RSPO2: variants seen among roughly 807,000 people sequenced by gnomAD.
The protein encoded by RSPO2 is R-spondin-2.
In RSPO2, 14 loss-of-function variants were observed where a neutral mutation model predicts 30.9. The observed-to-expected ratio is 0.45, with a 90% CI of 0.30 to 0.71. The LOEUF (loss-of-function observed/expected upper bound fraction) is 0.71. Ranked by LOEUF, RSPO2 falls within the 30% of genes least tolerant of loss-of-function variation. The pLI is 0.08. For missense variants in RSPO2, 264 were observed against 301.9 expected (o/e 0.87, Z 0.93); for synonymous variants, 107 against 96.4 (o/e 1.11, Z -0.64).
intron 2 of RSPO2, among the ~76,000 whole-genome samples, chr8:108,052,097 C>G (rs960392989): frequency 3.3e-5 from 5 of 152,276 alleles, no homozygotes; most frequent in African/African-American, 1.2e-4. Flanking sequence ...TGAAACAAAC[C>G]TACTTATATC....
rs920801653 is a variant in RSPO2 at position 108,082,668 on chromosome 8, C to T, written c.-30G>A. On this transcript the variant is annotated 5_prime_UTR_variant, in exon 2 of 6. Coordinates refer to ENST00000276659, the MANE Select transcript of RSPO2 (RefSeq NM_178565.5). ...GCGGTCGGGCGGGGGAGAGACGCCT[C>T]TCAAAGTCTAGGAACTGGAGGGTTC... 1 of 1,582,286 alleles carries T rather than the reference C, an allele frequency of 6.3e-7. No homozygotes were observed. The highest frequency in any genetic ancestry group is 1.3e-5 in the African/African-American group (1 of 74,306).
chr8:108,024,429 G>A (rs1811141786), intron 2 of RSPO2, among the ~76,000 whole-genome samples: 1 of 150,346 alleles, frequency 6.7e-6, no homozygotes, highest in Non-Finnish European at 1.5e-5. Flanking sequence ...AACATATACT[G>A]TTAAGTAAAA....
intron 5 of RSPO2, among the ~76,000 whole-genome samples, chr8:107,943,083 A>G (rs528446807): frequency 2.0e-5 from 3 of 152,368 alleles, no homozygotes; most frequent in Non-Finnish European, 4.4e-5. Flanking sequence ...GAAATAAACA[A>G]AAGTGGAGAG....
intron 3 of RSPO2, among the ~76,000 whole-genome samples, chr8:107,978,349 C>T (rs973462691): frequency 1.3e-5 from 2 of 152,052 alleles, no homozygotes; most frequent in Admixed American, 6.6e-5. Context: ...ATTGATTGAA[C>T]CCAGGAGGCA....
At chr8:107,904,278 G>T (rs1410699020) in intron 5 of RSPO2, among the ~76,000 whole-genome samples, 1 of 150,950 alleles carries the variant, frequency 6.6e-6, no homozygotes, top group African/African-American at 2.4e-5. Context: ...GTCACCCAAC[G>T]CATAATTCAA....
At chr8:107,939,111 A>G (rs1163947497) in intron 5 of RSPO2, among the ~76,000 whole-genome samples, 1 of 152,164 alleles carries the variant, frequency 6.6e-6, no homozygotes, top group Non-Finnish European at 1.5e-5. Flanking sequence ...ATGAGCAAAA[A>G]TAAGATAATT....
intron 2 of RSPO2, among the ~76,000 whole-genome samples, chr8:108,020,194 C>G (rs768555010): frequency 1.3e-5 from 2 of 152,112 alleles, no homozygotes; most frequent in Non-Finnish European, 2.9e-5. Flanking sequence ...AGTCTCACCC[C>G]CTCACCACAG....
At chr8:108,001,153 C>T (rs1815234464) in intron 2 of RSPO2, among the ~76,000 whole-genome samples, 1 of 152,132 alleles carries the variant, frequency 6.6e-6, no homozygotes, top group Non-Finnish European at 1.5e-5. Flanking sequence ...GATCGCGCCC[C>T]TGCACTCCAG....
At chr8:107,973,136 G>A (rs1563545323) in intron 3 of RSPO2, among the ~76,000 whole-genome samples, 1 of 152,030 alleles carries the variant, frequency 6.6e-6, no homozygotes, top group African/African-American at 2.4e-5. Context: ...TGGGCATGGT[G>A]GCAGGCACCT....
At chr8:108,012,822 A>G (rs1228382840) in intron 2 of RSPO2, among the ~76,000 whole-genome samples, 1 of 152,246 alleles carries the variant, frequency 6.6e-6, no homozygotes, top group African/African-American at 2.4e-5. Flanking sequence ...GAGAATTAAC[A>G]AAGATTAGAA....
At chr8:108,059,644 C>T (rs1240025333) in intron 2 of RSPO2, among the ~76,000 whole-genome samples, 47 of 147,338 alleles carry the variant, frequency 3.2e-4, no homozygotes, top group Non-Finnish European at 5.1e-4. Flanking sequence ...AAATGTGGCA[C>T]ATATACACCA....
At chr8:107,967,820 T>C (rs1813858834) in intron 3 of RSPO2, among the ~76,000 whole-genome samples, 1 of 152,142 alleles carries the variant, frequency 6.6e-6, no homozygotes, top group African/African-American at 2.4e-5. Flanking sequence ...ACTCAAATAG[T>C]ACAGTGGTTA....
intron 2 of RSPO2, among the ~76,000 whole-genome samples, chr8:108,041,352 A>T (rs1811753582): frequency 1.3e-5 from 2 of 152,108 alleles, no homozygotes; most frequent in Non-Finnish European, 2.9e-5. Flanking sequence ...TATGACATTA[A>T]GAATACCTAA....
intron 5 of RSPO2, among the ~76,000 whole-genome samples, chr8:107,923,227 AG>A (rs1812243106): frequency 6.6e-6 from 1 of 151,954 alleles, no homozygotes; most frequent in African/African-American, 2.4e-5. Flanking sequence ...TAAATTTGTA[AG>A]GGAAAAAACA....
chr8:108,047,974 A>T (rs1490531504), intron 2 of RSPO2, among the ~76,000 whole-genome samples: 1 of 152,084 alleles, frequency 6.6e-6, no homozygotes, highest in African/African-American at 2.4e-5. Flanking sequence ...TTCTTTAGAG[A>T]ACAAATTATG....
In RSPO2 at chr8:108,082,744, C is replaced by T. The variant is rs2130744162; in HGVS notation, c.-106G>A. On this transcript the variant is annotated 5_prime_UTR_variant, in exon 2 of 6. Transcript: ENST00000276659. ...CTGCTGGGGAGGACTCAGAGGGAGA[C>T]TCGCCACTCACCCCCGGGCCGCACC... 1.2e-6 allele frequency: 1 copy of T among 846,258 alleles called. No homozygotes were observed. Among genetic ancestry groups the T allele is most frequent in the Non-Finnish European group, 1.9e-6 (1 of 524,810 alleles). The allele number at this position is 846,258 out of a possible 1,614,324, so 52.4% of individuals were successfully genotyped here. A position where few individuals can be genotyped will look rare whatever the true frequency, so the allele number is the denominator to read the frequency against.
At chr8:107,936,544 T>G (rs1812728082) in intron 5 of RSPO2, among the ~76,000 whole-genome samples, 1 of 152,214 alleles carries the variant, frequency 6.6e-6, no homozygotes, top group African/African-American at 2.4e-5. Context: ...CCATACCGTT[T>G]TCTATAGTGG....
At chr8:107,990,187 A>C (rs1238211994) in intron 2 of RSPO2, among the ~76,000 whole-genome samples, 1 of 152,222 alleles carries the variant, frequency 6.6e-6, no homozygotes, top group Non-Finnish European at 1.5e-5. Context: ...AGAGAATGAC[A>C]TAACCAAAAA....
intron 2 of RSPO2, among the ~76,000 whole-genome samples, chr8:107,995,671 C>G (rs756003104): frequency 3.8e-4 from 58 of 152,200 alleles, no homozygotes; most frequent in Non-Finnish European, 5.9e-4. Flanking sequence ...ATTCCAATAG[C>G]CTAGGTTGCT....
Sources: gnomAD v4.1 joint callset for allele counts (sites outside exome capture counted in the v4.1 genomes callset) on GRCh38, gnomAD v4.1.1 for gene constraint, MANE v1.5 for transcripts, NCBI Gene and HGNC (gene_info 2026-07-23, HGNC 2026-07-21) for gene names.